FRAS1: variants seen among roughly 807,000 people sequenced by gnomAD.
FRAS1 encodes Fraser extracellular matrix complex subunit 1.
FRAS1 carries 290 observed loss-of-function variants against 435.2 expected under a neutral mutation model. That is an observed-to-expected ratio of 0.67 (90% CI 0.61 to 0.73). The LOEUF (loss-of-function observed/expected upper bound fraction) is 0.73. Ranked by LOEUF, FRAS1 falls within the 30% of genes least tolerant of loss-of-function variation. FRAS1 has a pLI of 0.00. For synonymous variants in FRAS1, 1,800 were observed against 1,851.0 expected (o/e 0.97, Z 0.71); for missense variants, 4,860 against 5,001.5 (o/e 0.97, Z 0.85).
Position 78,327,356 on chromosome 4 carries a change from C to A in FRAS1, c.2138-5916C>A, listed in dbSNP as rs1729762060. On this transcript the variant is annotated intron_variant, in intron 18 of 73. Transcript: ENST00000512123. ...CATCATATTTTGAGAGAAGCCCACTCAAAATTTGTTTTTGACATGAAAAGC... is the reference window on the plus strand; with the variant it reads ...CATCATATTTTGAGAGAAGCCCACTAAAAATTTGTTTTTGACATGAAAAGC... Among the ~76,000 whole-genome samples, 3 of 152,186 alleles carry A rather than the reference C, an allele frequency of 2.0e-5. No homozygotes were observed. The South Asian group carries it at 6.2e-4, about 32-fold the overall frequency.
chr4:78,097,898 C>G (rs963866420), intron 2 of FRAS1, among the ~76,000 whole-genome samples: 2 of 141,162 alleles, frequency 1.4e-5, no homozygotes, highest in African/African-American at 6.2e-5. Context: ...AAGATATAGC[C>G]ACACACAGAG....
chr4:78,493,993 C>T (rs1179053147), intron 59 of FRAS1, among the ~76,000 whole-genome samples: 3 of 152,040 alleles, frequency 2.0e-5, no homozygotes, highest in African/African-American at 4.8e-5. Flanking sequence ...CAATACTAAG[C>T]CCTTCTCTTA....
chr4:78,494,557 C>A (rs1186494337), intron 59 of FRAS1, among the ~76,000 whole-genome samples: 1 of 152,140 alleles, frequency 6.6e-6, no homozygotes, highest in African/African-American at 2.4e-5. Flanking sequence ...AGAATTCATT[C>A]AATCCTGTGA....
intron 14 of FRAS1, among the ~76,000 whole-genome samples, chr4:78,299,210 G>A (rs1264219539): frequency 1.3e-5 from 2 of 152,290 alleles, no homozygotes; most frequent in East Asian, 3.9e-4. Context: ...GATGGAGCAG[G>A]AAAGTTAAGG....
At chr4:78,526,512 C>T (rs532155545) in intron 69 of FRAS1, 29 bp from the exon 70 acceptor site, 27 of 1,451,436 alleles carry the variant, frequency 1.9e-5, no homozygotes, top group Admixed American at 9.8e-5. Context: ...TTGTTCCCTA[C>T]GATCACAGTC....
chr4:78,439,060 T>C lies in FRAS1; in HGVS notation c.5525T>C (p.Ile1842Thr). The C allele has an allele frequency of 6.2e-7, 1 of 1,612,276 alleles. No individual in the cohort carries two copies. Among genetic ancestry groups the C allele is most frequent in the Non-Finnish European group, 8.5e-7 (1 of 1,179,006 alleles). ...PPPVIAFADL[I>T]TVDEGGRAPL... ...CCAGTCATTGCTTTTGCTGACCTTA[T>C]CACGGTAAACAATTCTCAGATCAAT... Residue 1842 changes from isoleucine to threonine, a missense_variant, in exon 40 of 74, where the codon ATC (isoleucine) becomes ACC (threonine). By Grantham distance (89) the Ile-to-Thr change is moderately conservative. Transcript: ENST00000512123.
chr4:78,092,477 A>G (rs1422076879), intron 2 of FRAS1, among the ~76,000 whole-genome samples: 1 of 151,782 alleles, frequency 6.6e-6, no homozygotes, highest in African/African-American at 2.4e-5. Flanking sequence ...GTGCAGAGAA[A>G]CTCCTGTTTT....
At chr4:78,168,037 A>G (rs1721404704) in intron 2 of FRAS1, among the ~76,000 whole-genome samples, 1 of 151,608 alleles carries the variant, frequency 6.6e-6, no homozygotes, top group Admixed American at 6.6e-5. Flanking sequence ...TCTGTATTCA[A>G]TAAAGGGAGT....
At chr4:78,455,108 C>T (rs1719147799) in intron 47 of FRAS1, among the ~76,000 whole-genome samples, 1 of 152,194 alleles carries the variant, frequency 6.6e-6, no homozygotes. Context: ...GTCCTCTTCT[C>T]TTTGCTCTGA....
intron 27 of FRAS1, among the ~76,000 whole-genome samples, chr4:78,381,080 G>T (rs768120107): frequency 3.8e-4 from 58 of 152,124 alleles, no homozygotes; most frequent in Non-Finnish European, 5.9e-5. Flanking sequence ...TGTGTGCAGA[G>T]CTGAGACTCC....
At chr4:78,256,883 A>G (rs1477286906) in intron 6 of FRAS1, among the ~76,000 whole-genome samples, 1 of 152,176 alleles carries the variant, frequency 6.6e-6, no homozygotes. Context: ...ATTTATTATC[A>G]TTATTAAATT....
At chr4:78,139,870 A>G (rs1560545508) in intron 2 of FRAS1, among the ~76,000 whole-genome samples, 1 of 152,212 alleles carries the variant, frequency 6.6e-6, no homozygotes, top group Admixed American at 6.5e-5. Flanking sequence ...GAGACTTGCT[A>G]TCTAGAGATA....
chr4:78,385,888 A>C (rs541485490), intron 28 of FRAS1, among the ~76,000 whole-genome samples: 35 of 152,048 alleles, frequency 2.3e-4, no homozygotes, highest in Non-Finnish European at 4.7e-4. Context: ...CTGTCTAAAA[A>C]AAAAAAAAAA....
chr4:78,176,602 A>G (rs1398230602), intron 2 of FRAS1, among the ~76,000 whole-genome samples: 1 of 152,172 alleles, frequency 6.6e-6, no homozygotes, highest in African/African-American at 2.4e-5. Flanking sequence ...ACCTGTCCTC[A>G]TAAGTACAAT....
At chr4:78,198,680 T>C (rs1161901251) in intron 2 of FRAS1, among the ~76,000 whole-genome samples, 2 of 152,190 alleles carry the variant, frequency 1.3e-5, no homozygotes, top group East Asian at 3.9e-4. Context: ...TATGTTATCA[T>C]GGATTCTCTT....
At chr4:78,364,678 T>C (rs763144790) in intron 22 of FRAS1, among the ~76,000 whole-genome samples, 4 of 152,150 alleles carry the variant, frequency 2.6e-5, no homozygotes, top group Non-Finnish European at 5.9e-5. Flanking sequence ...TAAATTTGCC[T>C]GAAAAAAAAT....
At chr4:78,167,821 GT>G (rs1201729814) in intron 2 of FRAS1, among the ~76,000 whole-genome samples, 3 of 151,978 alleles carry the variant, frequency 2.0e-5, no homozygotes, top group Non-Finnish European at 4.4e-5. Flanking sequence ...GGTAGTCATG[GT>G]TGGTATAGGA....
intron 35 of FRAS1, among the ~76,000 whole-genome samples, chr4:78,425,651 G>C (rs935284855): frequency 2.0e-5 from 3 of 152,124 alleles, no homozygotes; most frequent in African/African-American, 7.2e-5. Flanking sequence ...CTGTTGATAT[G>C]AACCCAGTAT....
At chr4:78,411,865 G>C in intron 31 of FRAS1, among the ~76,000 whole-genome samples, 1 of 152,158 alleles carries the variant, frequency 6.6e-6, no homozygotes, top group East Asian at 1.9e-4. Flanking sequence ...AAACCTGACT[G>C]ATCTGGTTAA....
Sources: gnomAD v4.1 joint callset for allele counts (sites outside exome capture counted in the v4.1 genomes callset) on GRCh38, gnomAD v4.1.1 for gene constraint, MANE v1.5 for transcripts, NCBI Gene and HGNC (gene_info 2026-07-23, HGNC 2026-07-21) for gene names.